Variants in SHROOM3 observed in about 807,000 individuals in gnomAD.
SHROOM3 encodes protein Shroom3.
A neutral mutation model predicts 138.6 loss-of-function variants in SHROOM3; 47 were observed. That is an observed-to-expected ratio of 0.34 (90% CI 0.27 to 0.43). The LOEUF (loss-of-function observed/expected upper bound fraction) is 0.43, where lower values mean the gene tolerates loss of function less well. Among genes scored for constraint, SHROOM3 ranks in the 20% least tolerant of loss-of-function variants. The pLI is 1.00. For missense variants in SHROOM3, 2,491 were observed against 2,596.5 expected, an observed-to-expected ratio of 0.96 and a Z score of 0.88; for synonymous variants, 1,062 against 1,063.3, an observed-to-expected ratio of 1.00 and a Z score of 0.02.
chr4:76,679,477 T>A (rs1417750809), intron 2 of SHROOM3, among the ~76,000 whole-genome samples: 1 of 152,178 alleles, frequency 6.6e-6, no homozygotes, highest in Non-Finnish European at 1.5e-5. Flanking sequence ...ATTCCATGCT[T>A]AAATCTTCTA....
At chr4:76,636,758 C>T (rs1439162060) in intron 2 of SHROOM3, among the ~76,000 whole-genome samples, 1 of 152,144 alleles carries the variant, frequency 6.6e-6, no homozygotes. Flanking sequence ...GTGAGTGCGC[C>T]CTGTAATGGG....
At chr4:76,635,049 A>G (rs1325363869) in intron 2 of SHROOM3, among the ~76,000 whole-genome samples, 1 of 152,188 alleles carries the variant, frequency 6.6e-6, no homozygotes, top group Non-Finnish European at 1.5e-5. Context: ...AGGGGCCAGA[A>G]GAGAACGGGG....
At chr4:76,649,483 G>A (rs1010435041) in intron 2 of SHROOM3, among the ~76,000 whole-genome samples, 1 of 152,132 alleles carries the variant, frequency 6.6e-6, no homozygotes, top group Non-Finnish European at 1.5e-5. Flanking sequence ...GGATCCTAGG[G>A]CTTCAATCAA....
Position 76,436,128 on chromosome 4 carries a change from A to T in SHROOM3, c.76A>T (p.Ile26Phe), listed in dbSNP as rs1032842157. 1.4e-5 allele frequency: 22 copies of T among 1,613,910 alleles called. No individual in the cohort carries two copies. Among genetic ancestry groups the T allele is most frequent in the Non-Finnish European group, 1.7e-5 (20 of 1,179,952 alleles). The stretch of plus-strand genomic sequence containing the variant: ...TAACACGGCCACCAAGGGAAGGTAC[A>T]TTTATCTGGAGGCATTCCTGGAGGG... ...NSNTATKGRYIYLEAFLEGGA... is the reference protein window; with the variant it reads ...NSNTATKGRYFYLEAFLEGGA... The change falls in exon 1 of 11, where the codon ATT becomes TTT. Residue 26 changes from isoleucine (I) to phenylalanine (F), a missense_variant. This residue lies in a region of SHROOM3 where 284 missense variants were observed against 322.8 expected (regional missense o/e 0.88). Transcript: ENST00000296043.
At chr4:76,725,779 T>G (rs1045518846) in intron 3 of SHROOM3, among the ~76,000 whole-genome samples, 1 of 152,194 alleles carries the variant, frequency 6.6e-6, no homozygotes, top group Non-Finnish European at 1.5e-5. Flanking sequence ...TCCTCCTCCA[T>G]AAGCTCATAC....
intron 2 of SHROOM3, among the ~76,000 whole-genome samples, chr4:76,600,104 A>T (rs530389063): frequency 6.6e-6 from 1 of 152,302 alleles, no homozygotes; most frequent in Admixed American, 6.5e-5. Flanking sequence ...GTGAGCCATG[A>T]TTGTGCCACT....
chr4:76,670,009 G>T (rs1159386208), intron 2 of SHROOM3, among the ~76,000 whole-genome samples: 4 of 152,160 alleles, frequency 2.6e-5, no homozygotes, highest in African/African-American at 9.7e-5. Context: ...TGTGAATTAG[G>T]TATCATCACT....
chr4:76,735,796 C>T (rs1178051513), intron 4 of SHROOM3, among the ~76,000 whole-genome samples: 10 of 135,124 alleles, frequency 7.4e-5, no homozygotes, highest in Admixed American at 3.9e-4. Context: ...GCCGAGATTG[C>T]GCCACTGCAC....
chr4:76,664,517 T>A lies in SHROOM3; in HGVS notation c.324-45639T>A, dbSNP rs1336934737. Among the ~76,000 whole-genome samples the A allele has an allele frequency of 6.6e-6, 1 of 152,190 alleles. No homozygotes were observed. Among genetic ancestry groups the A allele is most frequent in the Non-Finnish European group, 1.5e-5 (1 of 68,040 alleles). On this transcript the variant is annotated intron_variant, in intron 2 of 10. Transcript: ENST00000296043. This position sits in a 1 kb window ranked among gnomAD's most constrained non-coding sequence, Gnocchi z 4.2. ...GATGCCTGTGCTACAATTAAAATAGTCGTGATGATGATGATGCCTGCCATT... is the reference window on the plus strand; with the variant it reads ...GATGCCTGTGCTACAATTAAAATAGACGTGATGATGATGATGCCTGCCATT...
chr4:76,489,533 C>G (rs559457032), intron 1 of SHROOM3, among the ~76,000 whole-genome samples: 1 of 152,210 alleles, frequency 6.6e-6, no homozygotes, highest in South Asian at 2.1e-4. Context: ...GCGCAGATGT[C>G]AGAGGAAGAT....
intron 2 of SHROOM3, among the ~76,000 whole-genome samples, chr4:76,695,910 C>A (rs960227775): frequency 2.6e-5 from 4 of 152,198 alleles, no homozygotes; most frequent in African/African-American, 9.7e-5. Context: ...ATGCAGAGAC[C>A]TTTGGAGACA....
At chr4:76,748,651 A>G (rs1721522536) in intron 5 of SHROOM3, among the ~76,000 whole-genome samples, 1 of 152,098 alleles carries the variant, frequency 6.6e-6, no homozygotes, top group African/African-American at 2.4e-5. Flanking sequence ...TTGCCATTTG[A>G]AAAGTTTGGC....
At chr4:76,565,132 G>A (rs6848837) in intron 2 of SHROOM3, among the ~76,000 whole-genome samples, 54,661 of 143,834 alleles carry the variant, frequency 0.38, 10,397 homozygotes, top group African/African-American at 0.45. Context: ...TTGCACTCCA[G>A]CCTGGGTGAC....
At chr4:76,498,815 T>C (rs183624341) in intron 1 of SHROOM3, among the ~76,000 whole-genome samples, 29 of 152,278 alleles carry the variant, frequency 1.9e-4, no homozygotes, top group Middle Eastern at 3.4e-3. Flanking sequence ...TCTGGTTTTA[T>C]GCAAACACAA....
intron 1 of SHROOM3, among the ~76,000 whole-genome samples, chr4:76,488,291 A>G (rs1050505169): frequency 7.2e-5 from 11 of 152,154 alleles, no homozygotes; most frequent in African/African-American, 2.4e-4. Flanking sequence ...GACTTTGCAA[A>G]ATAAACATCG....
chr4:76,580,082 C>T (rs568757509), intron 2 of SHROOM3, among the ~76,000 whole-genome samples: 5 of 152,274 alleles, frequency 3.3e-5, no homozygotes, highest in East Asian at 1.9e-4. Context: ...GTTAGGAAAG[C>T]GAAAGGAAAA....
chr4:76,645,199 T>C (rs987455629), intron 2 of SHROOM3: 5 of 152,192 alleles, frequency 3.3e-5, no homozygotes, highest in African/African-American at 1.2e-4. Flanking sequence ...TAAAAGTCAA[T>C]AAAGATAAGC....
At chr4:76,527,896 C>G (rs1392299616) in intron 1 of SHROOM3, among the ~76,000 whole-genome samples, 1 of 152,200 alleles carries the variant, frequency 6.6e-6, no homozygotes, top group Non-Finnish European at 1.5e-5. Context: ...TTTCCTGAAC[C>G]AATCCCCACA....
chr4:76,567,183 G>C (rs970386203), intron 2 of SHROOM3, among the ~76,000 whole-genome samples: 1 of 152,208 alleles, frequency 6.6e-6, no homozygotes, highest in Non-Finnish European at 1.5e-5. Flanking sequence ...TATTGTTTAC[G>C]TAGGAAGGTT....
Sources: gnomAD v4.1 joint callset for allele counts (sites outside exome capture counted in the v4.1 genomes callset) on GRCh38, gnomAD v4.1.1 for gene constraint, gnomAD v4.1.1 regional missense constraint, Gnocchi (gnomAD v3.1) non-coding constraint, MANE v1.5 for transcripts, NCBI Gene and HGNC (gene_info 2026-07-23, HGNC 2026-07-21) for gene names.